Variants in GRIA4 observed in about 807,000 individuals in gnomAD.
GRIA4 encodes glutamate ionotropic receptor AMPA type subunit 4, also known as glutamate receptor 4.
Under a neutral mutation model 104.0 loss-of-function variants are expected in GRIA4, and 34 were observed. The observed-to-expected ratio is 0.33, with a 90% CI of 0.25 to 0.44. GRIA4 has a LOEUF of 0.44. GRIA4 is among the 20% of genes least tolerant of loss of function. GRIA4 has a pLI of 1.00. For missense variants in GRIA4, 750 were observed against 1,096.5 expected (o/e 0.68, Z 4.46); for synonymous variants, 386 against 381.9 (o/e 1.01, Z -0.13).
intron 16 of GRIA4, among the ~76,000 whole-genome samples, chr11:105,976,827 A>G (rs1264266386): frequency 2.0e-5 from 3 of 152,040 alleles, no homozygotes; most frequent in African/African-American, 7.2e-5. Flanking sequence ...GAGGAACCTC[A>G]AAAGGTTCAC....
At chr11:105,616,219 A>G (rs988661484) in intron 3 of GRIA4, among the ~76,000 whole-genome samples, 15 of 151,664 alleles carry the variant, frequency 9.9e-5, no homozygotes. Flanking sequence ...CTCTTTTTCT[A>G]GCTAGAATCA....
At chr11:105,952,087 T>C (rs766683144) in intron 14 of GRIA4, among the ~76,000 whole-genome samples, 9 of 152,208 alleles carry the variant, frequency 5.9e-5, no homozygotes, top group Non-Finnish European at 8.8e-5. Context: ...CTCTGCTCTA[T>C]TAACATTCTG....
chr11:105,856,896 T>C (rs549359065), intron 4 of GRIA4, among the ~76,000 whole-genome samples: 12 of 152,290 alleles, frequency 7.9e-5, no homozygotes, highest in African/African-American at 2.9e-4. Flanking sequence ...TCTCTACTTT[T>C]ACTCTTGAGT....
At chr11:105,698,542 G>T (rs1006029746) in intron 3 of GRIA4, among the ~76,000 whole-genome samples, 2 of 152,086 alleles carry the variant, frequency 1.3e-5, no homozygotes, top group East Asian at 3.9e-4. Flanking sequence ...GAACTGCTTT[G>T]CAATGAGACA....
In GRIA4 at chr11:105,918,898, G is replaced by A; in HGVS notation, c.1456G>A (p.Val486Ile). 6.2e-7 allele frequency: 1 copy of A among 1,605,750 alleles called. No individual in the cohort carries two copies. The highest frequency in any genetic ancestry group is 8.5e-7 in the Non-Finnish European group (1 of 1,172,670). ...AGACACAAAAATCTGGAATGGGATG[G>A]TAGGAGAACTTGTTTATGGGGTAAG... is the stretch of plus-strand genomic sequence containing the variant. ...DADTKIWNGM[V>I]GELVYGKAEI... The change falls in exon 11 of 17, where the codon GTA (valine) becomes ATA (isoleucine). Residue 486 changes from valine (V) to isoleucine (I), a missense_variant. Around this residue, in one of 3 missense-constraint regions of GRIA4, gnomAD observed 272 missense variants for 524.5 expected, o/e 0.52. Transcript: ENST00000282499.
intron 4 of GRIA4, among the ~76,000 whole-genome samples, chr11:105,785,966 G>A (rs1941943239): frequency 6.6e-6 from 1 of 151,784 alleles, no homozygotes; most frequent in Non-Finnish European, 1.5e-5. Context: ...ACAACACAGT[G>A]AAACCCCGTC....
chr11:105,655,252 T>A (rs1220211391), intron 3 of GRIA4, among the ~76,000 whole-genome samples: 1 of 152,180 alleles, frequency 6.6e-6, no homozygotes, highest in Non-Finnish European at 1.5e-5. Context: ...CATATCATCA[T>A]TTTGGATATT....
chr11:105,770,576 C>G (rs1036523172), intron 4 of GRIA4, among the ~76,000 whole-genome samples: 1 of 151,936 alleles, frequency 6.6e-6, no homozygotes. Context: ...ACCAAATCAT[C>G]CAATTTCCTC....
At chr11:105,847,583 A>G (rs959510548) in intron 4 of GRIA4, among the ~76,000 whole-genome samples, 2 of 152,174 alleles carry the variant, frequency 1.3e-5, no homozygotes, top group African/African-American at 4.8e-5. Context: ...CAACATCCAT[A>G]TGTTTTAAGA....
chr11:105,909,916 G>T (rs1017660815), intron 9 of GRIA4, among the ~76,000 whole-genome samples: 1 of 152,082 alleles, frequency 6.6e-6, no homozygotes, highest in Non-Finnish European at 1.5e-5. Context: ...TTCAAAAAAT[G>T]GTAAGATTGT....
At chr11:105,801,346 A>G (rs1466226479) in intron 4 of GRIA4, among the ~76,000 whole-genome samples, 2 of 151,942 alleles carry the variant, frequency 1.3e-5, no homozygotes, top group Admixed American at 1.3e-4. Context: ...ATTGAAAAAC[A>G]TGCAGGAAAT....
At chr11:105,892,871 A>G (rs1421934247) in intron 6 of GRIA4, among the ~76,000 whole-genome samples, 2 of 152,164 alleles carry the variant, frequency 1.3e-5, no homozygotes, top group Non-Finnish European at 2.9e-5. Flanking sequence ...TCTCAATATA[A>G]TTTAGTCAAC....
chr11:105,652,442 T>G (rs1402916803), intron 3 of GRIA4, among the ~76,000 whole-genome samples: 1 of 152,160 alleles, frequency 6.6e-6, no homozygotes, highest in Non-Finnish European at 1.5e-5. Flanking sequence ...ACCAGTAAGA[T>G]GAGGACACTC....
intron 3 of GRIA4, among the ~76,000 whole-genome samples, chr11:105,747,652 GTAGA>G (rs1939740167): frequency 6.6e-6 from 1 of 152,150 alleles, no homozygotes; most frequent in South Asian, 2.1e-4. Context: ...GACAAACCTA[GTAGA>G]TAGTTTACTA....
intron 4 of GRIA4, among the ~76,000 whole-genome samples, chr11:105,855,343 G>A (rs1174121968): frequency 1.3e-5 from 2 of 152,118 alleles, no homozygotes; most frequent in African/African-American, 4.8e-5. Flanking sequence ...GACCTTGTTT[G>A]AGTGCCTGTT....
chr11:105,787,472 C>CTTTTT lies in GRIA4; in HGVS notation c.487+34269_487+34273dup, dbSNP rs67901321. On this transcript the variant is annotated intron_variant, in intron 4 of 16. Transcript: ENST00000282499. ...GCAGTCTAAAAGATGTAAAGAATTC[C>CTTTTT]TTTTTTTTTTTTTTTTTTTTTGAGA... Among the ~76,000 whole-genome samples the CTTTTT allele has an allele frequency of 4.5e-3, 439 of 98,598 alleles. 18 individuals are homozygous for CTTTTT. Among genetic ancestry groups the CTTTTT allele is most frequent in the African/African-American group, 0.015 (372 of 24,896 alleles). 64.7% of individuals were successfully genotyped at this position (98,598 alleles called of 152,430 possible). A position where few individuals can be genotyped will look rare whatever the true frequency, so the allele number is the denominator to read the frequency against.
At chr11:105,676,542 C>G (rs1265750113) in intron 3 of GRIA4, among the ~76,000 whole-genome samples, 1 of 151,646 alleles carries the variant, frequency 6.6e-6, no homozygotes, top group East Asian at 1.9e-4. Flanking sequence ...ATCACTATAT[C>G]TATAAGGTAT....
chr11:105,804,475 A>T (rs1354161363), intron 4 of GRIA4, among the ~76,000 whole-genome samples: 1 of 151,748 alleles, frequency 6.6e-6, no homozygotes, highest in Non-Finnish European at 1.5e-5. Flanking sequence ...AGTTTATAAA[A>T]CTATGCATTG....
chr11:105,654,462 T>A (rs1294186456), intron 3 of GRIA4, among the ~76,000 whole-genome samples: 1 of 152,032 alleles, frequency 6.6e-6, no homozygotes, highest in Non-Finnish European at 1.5e-5. Flanking sequence ...GTAAGAACAA[T>A]ACTTTTTTAT....
Sources: allele counts gnomAD v4.1 joint callset (sites outside exome capture counted in the v4.1 genomes callset), GRCh38; gene constraint gnomAD v4.1.1; regional missense constraint gnomAD v4.1.1; transcripts MANE v1.5; gene names NCBI Gene and HGNC (gene_info 2026-07-23, HGNC 2026-07-21).